The following NPEPPS variants were observed in gnomAD, a reference collection of about 807,000 sequenced individuals.
The protein encoded by NPEPPS is aminopeptidase puromycin sensitive.
In NPEPPS, 14 loss-of-function variants were observed where a neutral mutation model predicts 115.5. That is an observed-to-expected ratio of 0.12 (90% CI 0.08 to 0.19). The LOEUF is 0.19. Among genes scored for constraint, NPEPPS ranks in the 10% least tolerant of loss-of-function variants. The pLI, the probability that NPEPPS is intolerant of heterozygous loss-of-function variation, is 1.00. For synonymous variants in NPEPPS, 285 were observed against 390.6 expected, an observed-to-expected ratio of 0.73 and a Z score of 3.19; for missense variants, 523 against 1,110.8, an observed-to-expected ratio of 0.47 and a Z score of 7.52.
At chr17:47,617,717 G>C (rs974759912) in intron 19 of NPEPPS, among the ~76,000 whole-genome samples, 4 of 152,098 alleles carry the variant, frequency 2.6e-5, no homozygotes, top group Admixed American at 2.6e-4. Flanking sequence ...ACATTAGCCA[G>C]ATATCAATGA....
At chr17:47,587,879 G>C (rs1328242135) in intron 9 of NPEPPS, among the ~76,000 whole-genome samples, 3 of 151,224 alleles carry the variant, frequency 2.0e-5, no homozygotes, top group Non-Finnish European at 4.4e-5. Flanking sequence ...AATTCCAGCT[G>C]TTCTGTTGAA....
intron 4 of NPEPPS, chr17:47,580,961 T>A (rs1911838602): frequency 1.3e-5 from 2 of 152,074 alleles, no homozygotes; most frequent in Non-Finnish European, 2.9e-5. Flanking sequence ...GGGTTCTTTC[T>A]TACATTCTTA....
intron 19 of NPEPPS, among the ~76,000 whole-genome samples, chr17:47,617,536 C>T (rs1231844210): frequency 4.6e-5 from 7 of 151,838 alleles, no homozygotes; most frequent in Non-Finnish European, 8.8e-5. Flanking sequence ...TCTGCTTTGT[C>T]TGCTTTCTTC....
chr17:47,547,616 T>G (rs2611949), intron 2 of NPEPPS, among the ~76,000 whole-genome samples: 2 of 152,156 alleles, frequency 1.3e-5, no homozygotes, highest in South Asian at 4.1e-4. Context: ...TCTTCGGCCT[T>G]GCAGGTTGCT....
chr17:47,554,623 G>A (rs1909879995), intron 2 of NPEPPS, among the ~76,000 whole-genome samples: 1 of 151,970 alleles, frequency 6.6e-6, no homozygotes, highest in Non-Finnish European at 1.5e-5. Flanking sequence ...GCCTCCCAAA[G>A]TGCCAGGATT....
intron 1 of NPEPPS, among the ~76,000 whole-genome samples, chr17:47,537,872 G>A (rs1597811244): frequency 1.3e-5 from 2 of 149,998 alleles, no homozygotes; most frequent in East Asian, 3.9e-4. Context: ...TAATTTATCA[G>A]TTTCATATCT....
intron 2 of NPEPPS, among the ~76,000 whole-genome samples, chr17:47,563,038 T>G (rs534231950): frequency 1.0e-4 from 15 of 149,380 alleles, no homozygotes; most frequent in South Asian, 2.1e-4. Flanking sequence ...TTGTTTGTTT[T>G]GTTTTTTTTT....
chr17:47,605,324 C>G lies in NPEPPS; in HGVS notation c.1876-9C>G. 1 of 1,571,360 alleles carries G rather than the reference C, an allele frequency of 6.4e-7. No homozygotes were observed. The highest frequency in any genetic ancestry group is 8.6e-7 in the Non-Finnish European group (1 of 1,160,872). ...AGACTAGGTTAATTTATGTTTTTTCCTATCCCAGGCTCGAGCTGGAATCAT... is the reference window on the plus strand; with the variant it reads ...AGACTAGGTTAATTTATGTTTTTTCGTATCCCAGGCTCGAGCTGGAATCAT... On this transcript the variant is annotated splice_polypyrimidine_tract_variant and intron_variant, in intron 16 of 22. Transcript: ENST00000322157.
At chr17:47,602,693 A>C (rs1259034298) in intron 15 of NPEPPS, among the ~76,000 whole-genome samples, 1 of 137,398 alleles carries the variant, frequency 7.3e-6, no homozygotes, top group South Asian at 2.4e-4. Flanking sequence ...TTTTTTTTTG[A>C]GTTGGTCTCA....
chr17:47,588,963 C>CTGGAG, intron 9 of NPEPPS, among the ~76,000 whole-genome samples: 1 of 152,156 alleles, frequency 6.6e-6, no homozygotes, highest in South Asian at 2.1e-4. Context: ...GTCACTTAAA[C>CTGGAG]TGGAGTGCAA....
At chr17:47,555,035 T>A (rs1470261439) in intron 2 of NPEPPS, among the ~76,000 whole-genome samples, 2 of 152,190 alleles carry the variant, frequency 1.3e-5, no homozygotes, top group African/African-American at 4.8e-5. Flanking sequence ...CAGTTGAAAC[T>A]GTGGAAAGTG....
intron 17 of NPEPPS, among the ~76,000 whole-genome samples, chr17:47,607,477 G>A (rs1350766197): frequency 6.6e-6 from 1 of 152,210 alleles, no homozygotes; most frequent in Non-Finnish European, 1.5e-5. Flanking sequence ...TTCTGATCCT[G>A]TAGAACCTGT....
chr17:47,612,946 A>G (rs1368402776), intron 18 of NPEPPS, among the ~76,000 whole-genome samples: 1 of 152,150 alleles, frequency 6.6e-6, no homozygotes, highest in Non-Finnish European at 1.5e-5. Flanking sequence ...TACAGGTGTG[A>G]GCTACCATGC....
intron 17 of NPEPPS, among the ~76,000 whole-genome samples, chr17:47,611,445 C>T (rs533031868): frequency 7.1e-6 from 1 of 141,084 alleles, no homozygotes; most frequent in East Asian, 2.1e-4. Flanking sequence ...GGCAACAGAG[C>T]GAGACCACAT....
chr17:47,582,322 A>G (rs1911935319), intron 4 of NPEPPS: 1 of 224,168 alleles, frequency 4.5e-6, no homozygotes. Flanking sequence ...GATTGAGAAT[A>G]TTTTTATTTT....
chr17:47,526,547 A>T (rs1334500884), upstream of NPEPPS, among the ~76,000 whole-genome samples: 331 of 144,808 alleles, frequency 2.3e-3, no homozygotes, highest in Middle Eastern at 9.0e-3. Context: ...GTCTGGGAAA[A>T]TGATAAGGAC....
intron 13 of NPEPPS, among the ~76,000 whole-genome samples, chr17:47,598,162 C>T (rs983131606): frequency 2.6e-5 from 4 of 152,200 alleles, no homozygotes; most frequent in Non-Finnish European, 5.9e-5. Flanking sequence ...CTGAGCATTT[C>T]GTTCCCTCAA....
chr17:47,559,749 T>C lies in NPEPPS; in HGVS notation c.341-9668T>C, dbSNP rs376510192. ...GGGGGTCATTTACTCAAGCCTCTTG[T>C]CTTGTCTTGTCTTGTCTTGTCTTTT... On this transcript the variant is annotated intron_variant, in intron 2 of 22. Transcript: ENST00000322157. The C allele has an allele frequency of 8.5e-4, 353 of 413,088 alleles. 5 individuals carry two copies. The highest frequency in any genetic ancestry group is 6.0e-3 in the South Asian group (344 of 57,310). 25.6% of individuals were successfully genotyped at this position (413,088 alleles called of 1,614,324 possible).
chr17:47,526,126 C>A (rs1202116510), upstream of NPEPPS, among the ~76,000 whole-genome samples: 1 of 152,084 alleles, frequency 6.6e-6, no homozygotes, highest in Non-Finnish European at 1.5e-5. Context: ...GCAGGAGAAT[C>A]GCTTGAACCT....
Sources: allele counts gnomAD v4.1 joint callset (sites outside exome capture counted in the v4.1 genomes callset), GRCh38; gene constraint gnomAD v4.1.1; transcripts MANE v1.5; gene names NCBI Gene and HGNC (gene_info 2026-07-23, HGNC 2026-07-21).